The following EYS variants were observed in gnomAD, a reference collection of about 807,000 sequenced individuals.
EYS encodes protein eyes shut homolog.
In EYS, 250 loss-of-function variants were observed where a neutral mutation model predicts 282.1. The observed-to-expected ratio is 0.89, with a 90% confidence interval of 0.80 to 0.98. The LOEUF (loss-of-function observed/expected upper bound fraction) is 0.98, where lower values mean the gene tolerates loss of function less well. EYS is among the 50% of genes least tolerant of loss of function. The pLI, the probability that EYS is intolerant of heterozygous loss-of-function variation, is 0.00. For missense variants in EYS, 4,016 were observed against 3,709.0 expected (o/e 1.08, Z -2.15); for synonymous variants, 1,355 against 1,282.9 (o/e 1.06, Z -1.20).
intron 1 of EYS, among the ~76,000 whole-genome samples, chr6:65,706,567 A>T (rs891299799): frequency 1.3e-5 from 2 of 152,136 alleles, no homozygotes; most frequent in African/African-American, 2.4e-5. Context: ...ATCAGTTGTA[A>T]GAAAACTTAA....
intron 12 of EYS, among the ~76,000 whole-genome samples, chr6:65,155,519 T>C (rs549270916): frequency 6.6e-6 from 1 of 151,540 alleles, no homozygotes; most frequent in African/African-American, 2.4e-5. Context: ...GTAGATTAAA[T>C]GAGTCTTGGA....
intron 12 of EYS, among the ~76,000 whole-genome samples, chr6:65,176,811 C>T (rs139530161): frequency 1.4e-3 from 216 of 151,604 alleles, no homozygotes; most frequent in African/African-American, 4.8e-3. Flanking sequence ...TGGGTAACAT[C>T]ATTTGAAATT....
intron 12 of EYS, among the ~76,000 whole-genome samples, chr6:65,257,842 G>C (rs1451308023): frequency 2.0e-5 from 3 of 151,990 alleles, no homozygotes; most frequent in Non-Finnish European, 4.4e-5. Context: ...GTTACTAGAG[G>C]CTGGAAAGGG....
Position 64,230,609 on chromosome 6 carries a change from C to G in EYS, c.6407G>C (p.Gly2136Ala), listed in dbSNP as rs1252532483. 2.6e-6 allele frequency: 4 copies of G among 1,546,220 alleles called. No individual in the cohort carries two copies. Among genetic ancestry groups the G allele is most frequent in the African/African-American group, 1.4e-5 (1 of 72,936 alleles). Residue 2136 changes from glycine (G) to alanine (A), a missense_variant, in exon 31 of 43, where the codon GGC (glycine) becomes GCC (alanine). By Grantham distance (60) the Gly-to-Ala change is moderately conservative. Transcript: ENST00000503581. ...FQCDCPLHFT[G>A]RFCEKDAGLF... is the part of the protein sequence containing the mutation. ...TTGATTACCTTTTTCACAGAAGCGG[C>G]CAGTGAAATGTAGTGGACAGTCACA... is the stretch of plus-strand genomic sequence containing the variant.
intron 22 of EYS, among the ~76,000 whole-genome samples, chr6:64,783,401 G>A (rs1038081375): frequency 4.0e-5 from 6 of 151,296 alleles, no homozygotes; most frequent in African/African-American, 9.7e-5. Flanking sequence ...AGTACTATCC[G>A]TGGATTCAGT....
At chr6:65,219,099 G>A (rs1414539593) in intron 12 of EYS, among the ~76,000 whole-genome samples, 1 of 152,054 alleles carries the variant, frequency 6.6e-6, no homozygotes, top group Non-Finnish European at 1.5e-5. Flanking sequence ...ATGATTTGAA[G>A]CACATAAAAT....
At chr6:65,618,303 G>C (rs535222480) in intron 2 of EYS, among the ~76,000 whole-genome samples, 1 of 152,386 alleles carries the variant, frequency 6.6e-6, no homozygotes, top group South Asian at 2.1e-4. Context: ...CTGACGGCCA[G>C]TGATGGTGAG....
chr6:65,691,847 C>T (rs1040307651), intron 1 of EYS, among the ~76,000 whole-genome samples: 2 of 150,394 alleles, frequency 1.3e-5, no homozygotes, highest in African/African-American at 2.4e-5. Context: ...GAACCCTTTT[C>T]CCATTTCTTG....
chr6:64,015,240 A>G (rs1237452154), intron 33 of EYS, among the ~76,000 whole-genome samples: 1 of 152,180 alleles, frequency 6.6e-6, no homozygotes, highest in Non-Finnish European at 1.5e-5. Flanking sequence ...GAATTTTTCC[A>G]GAAGATGATA....
chr6:64,036,913 T>A (rs1770151018), intron 33 of EYS, among the ~76,000 whole-genome samples: 1 of 152,148 alleles, frequency 6.6e-6, no homozygotes, highest in Non-Finnish European at 1.5e-5. Flanking sequence ...CTAATTCCAA[T>A]GCACATGATT....
chr6:65,259,222 A>G (rs971210141), intron 12 of EYS, among the ~76,000 whole-genome samples: 5 of 152,084 alleles, frequency 3.3e-5, no homozygotes, highest in Non-Finnish European at 7.4e-5. Flanking sequence ...TCAGGATAGA[A>G]GCATTAAAGA....
intron 1 of EYS, among the ~76,000 whole-genome samples, chr6:65,649,658 T>A (rs1170342610): frequency 6.6e-6 from 1 of 152,202 alleles, no homozygotes; most frequent in Non-Finnish European, 1.5e-5. Flanking sequence ...TATTAGACCA[T>A]TGATGAGTTC....
At chr6:64,305,217 A>T (rs1264250738) in intron 30 of EYS, among the ~76,000 whole-genome samples, 2 of 152,210 alleles carry the variant, frequency 1.3e-5, no homozygotes, top group African/African-American at 2.4e-5. Flanking sequence ...CAAAGCAGTG[A>T]ATGTCTTCTA....
At chr6:65,045,168 G>C (rs904117195) in intron 13 of EYS, among the ~76,000 whole-genome samples, 5 of 151,850 alleles carry the variant, frequency 3.3e-5, no homozygotes, top group Admixed American at 2.6e-4. Context: ...AAGCCTCCAG[G>C]ATTACTGTTT....
At chr6:65,068,052 C>T (rs1773797225) in intron 12 of EYS, among the ~76,000 whole-genome samples, 1 of 152,046 alleles carries the variant, frequency 6.6e-6, no homozygotes, top group South Asian at 2.1e-4. Context: ...AGTCTAATGA[C>T]AATTTTTGAC....
intron 5 of EYS, among the ~76,000 whole-genome samples, chr6:65,410,670 T>C (rs1216278202): frequency 6.6e-6 from 1 of 151,460 alleles, no homozygotes; most frequent in Admixed American, 6.6e-5. Flanking sequence ...TGTTTCTGTG[T>C]CTGGCCTATT....
At chr6:64,647,109 C>T (rs987064495) in intron 22 of EYS, among the ~76,000 whole-genome samples, 5 of 152,072 alleles carry the variant, frequency 3.3e-5, no homozygotes, top group Non-Finnish European at 7.4e-5. Context: ...GTAATATTTA[C>T]ATAATTTAAT....
At chr6:63,855,249 C>T (rs532309977) in intron 36 of EYS, among the ~76,000 whole-genome samples, 1 of 152,340 alleles carries the variant, frequency 6.6e-6, no homozygotes, top group South Asian at 2.1e-4. Flanking sequence ...GTTATTTAAA[C>T]TCACTGAACT....
At chr6:65,109,855 T>G (rs115777732) in intron 12 of EYS, among the ~76,000 whole-genome samples, 66 of 152,234 alleles carry the variant, frequency 4.3e-4, no homozygotes, top group Non-Finnish European at 7.5e-4. Context: ...AGATAGTTGC[T>G]TATTGTATTA....
Sources: allele counts gnomAD v4.1 joint callset (sites outside exome capture counted in the v4.1 genomes callset), GRCh38; gene constraint gnomAD v4.1.1; transcripts MANE v1.5; gene names NCBI Gene and HGNC (gene_info 2026-07-23, HGNC 2026-07-21).